The following ADCYAP1R1 variants were observed in gnomAD, a reference collection of about 807,000 sequenced individuals.
The protein encoded by ADCYAP1R1 is pituitary adenylate cyclase-activating polypeptide type I receptor.
Under a neutral mutation model 67.6 loss-of-function variants are expected in ADCYAP1R1, and 44 were observed. The ratio of observed to expected loss-of-function variants is 0.65; its 90% CI spans 0.51 to 0.84. ADCYAP1R1 has a LOEUF of 0.84. ADCYAP1R1 is among the 40% of genes least tolerant of loss of function. ADCYAP1R1 has a pLI of 0.00. For missense variants in ADCYAP1R1, 477 were observed against 587.9 expected, an observed-to-expected ratio of 0.81 and a Z score of 1.95; for synonymous variants, 222 against 219.6, an observed-to-expected ratio of 1.01 and a Z score of -0.10.
In ADCYAP1R1 at chr7:31,063,638, C is replaced by G. The variant is rs528215855; in HGVS notation, c.51+323C>G. On this transcript the variant is annotated intron_variant, in intron 2 of 15. Coordinates refer to ENST00000304166, the MANE Select transcript of ADCYAP1R1 (RefSeq NM_001118.5). ...CAGAAGCCTCTTTCAATTTTCTCGT[C>G]ACCAGCCCACAATGCCCTGCCAGGA... is the stretch of plus-strand genomic sequence containing the variant. 3.3e-5 allele frequency among the ~76,000 whole-genome samples: 5 copies of G among 152,354 alleles called. 1 individual carries two copies. The South Asian group carries it at 1.0e-3, about 32-fold the overall frequency.
At chr7:31,066,300 C>T (rs1008703334) in intron 3 of ADCYAP1R1, among the ~76,000 whole-genome samples, 14 of 152,082 alleles carry the variant, frequency 9.2e-5, no homozygotes, top group African/African-American at 1.9e-4. Context: ...TGGGGTTGAG[C>T]GACAAAATCA....
chr7:31,074,110 C>G (rs999054810), intron 3 of ADCYAP1R1, among the ~76,000 whole-genome samples: 11 of 152,168 alleles, frequency 7.2e-5, no homozygotes, highest in Non-Finnish European at 1.6e-4. Flanking sequence ...GATTTGAGCT[C>G]TGGTCACTCA....
In ADCYAP1R1 at chr7:31,109,872, C is replaced by T. The variant is rs576291684; in HGVS notation, c.*3188C>T. On this transcript the variant is annotated 3_prime_UTR_variant, in exon 16 of 16. Coordinates refer to ENST00000304166, the MANE Select transcript of ADCYAP1R1 (RefSeq NM_001118.5). ...CCTAGCACTGCAGACTTCATGACTC[C>T]CCACTTAAGTCCAAGTCACATTGTC... 6.6e-6 allele frequency: 1 copy of T among 152,254 alleles called. No homozygotes were observed. Among genetic ancestry groups the T allele is most frequent in the East Asian group, 1.9e-4 (1 of 5,142 alleles). The allele number at this position is 152,254 out of a possible 1,614,324, so 9.4% of individuals were successfully genotyped here. A position where few individuals can be genotyped will look rare whatever the true frequency, so the allele number is the denominator to read the frequency against.
intron 5 of ADCYAP1R1, 91 bp downstream of exon 5, chr7:31,080,724 G>C (rs933776058): frequency 9.2e-5 from 128 of 1,389,132 alleles, no homozygotes; most frequent in Non-Finnish European, 1.3e-4. Context: ...CGGCTGCTGG[G>C]ATTGGGGTGG....
At chr7:31,093,500 A>C (rs1307892363) in intron 13 of ADCYAP1R1, among the ~76,000 whole-genome samples, 1 of 150,994 alleles carries the variant, frequency 6.6e-6, no homozygotes, top group Non-Finnish European at 1.5e-5. Context: ...AGCAGCTTCC[A>C]CCTCCCATCT....
At chr7:31,104,766 C>A in intron 14 of ADCYAP1R1, 102 bp from the exon 15 acceptor site, 2 of 1,323,120 alleles carry the variant, frequency 1.5e-6, no homozygotes, top group Non-Finnish European at 2.2e-6. Context: ...CCATCCAGGT[C>A]ATGGTGTATT....
In ADCYAP1R1 at chr7:31,085,877, C is replaced by G. The variant is rs6976615; in HGVS notation, c.669+435C>G. Among the ~76,000 whole-genome samples, 942 of 152,270 alleles carry G rather than the reference C, an allele frequency of 6.2e-3. 13 individuals carry two copies. Among genetic ancestry groups the G allele is most frequent in the African/African-American group, 0.021 (859 of 41,556 alleles). On this transcript the variant is annotated intron_variant, in intron 9 of 15. Transcript: ENST00000304166. ...GGTCTCACACTTCTGGAGGAGGTAG[C>G]ATGTGGAGAAGCTGGTCTTTGAGGA...
intron 1 of ADCYAP1R1, among the ~76,000 whole-genome samples, chr7:31,053,568 C>A (rs1283425800): frequency 6.6e-6 from 1 of 152,226 alleles, no homozygotes; most frequent in Non-Finnish European, 1.5e-5. Context: ...TCACGTGGAG[C>A]TGAGGAGGGG....
chr7:31,079,768 G>A (rs1795436219), intron 4 of ADCYAP1R1, among the ~76,000 whole-genome samples: 1 of 152,186 alleles, frequency 6.6e-6, no homozygotes, highest in Non-Finnish European at 1.5e-5. Context: ...CCACCGGCCG[G>A]CCCGGGAGGA....
At chr7:31,089,695 G>A (rs773458052) in intron 12 of ADCYAP1R1, among the ~76,000 whole-genome samples, 2 of 152,152 alleles carry the variant, frequency 1.3e-5, no homozygotes, top group Admixed American at 6.5e-5. Context: ...CAATGAGCAA[G>A]GTACAAGAGC....
intron 13 of ADCYAP1R1, among the ~76,000 whole-genome samples, chr7:31,101,806 G>C (rs1295750914): frequency 1.3e-5 from 2 of 152,216 alleles, no homozygotes; most frequent in Non-Finnish European, 2.9e-5. Context: ...GTCAGAGATA[G>C]ACAGATAAGA....
intron 5 of ADCYAP1R1, among the ~76,000 whole-genome samples, chr7:31,081,227 G>A (rs1009408157): frequency 2.0e-5 from 3 of 152,148 alleles, no homozygotes; most frequent in Admixed American, 2.0e-4. Context: ...ATAAAGGGTA[G>A]GGAGAGAAGA....
intron 1 of ADCYAP1R1, among the ~76,000 whole-genome samples, chr7:31,056,486 T>G (rs972390119): frequency 1.3e-5 from 2 of 152,044 alleles, no homozygotes; most frequent in African/African-American, 4.8e-5. Flanking sequence ...TTCTGTTTCT[T>G]CCTTTCTCTA....
intron 1 of ADCYAP1R1, among the ~76,000 whole-genome samples, chr7:31,058,592 AT>A (rs1363728327): frequency 6.6e-6 from 1 of 152,078 alleles, no homozygotes; most frequent in African/African-American, 2.4e-5. Flanking sequence ...CAGTTTCCCT[AT>A]CTGCACCTTG....
At chr7:31,082,077 C>T (rs533747399) in intron 6 of ADCYAP1R1, among the ~76,000 whole-genome samples, 3 of 152,302 alleles carry the variant, frequency 2.0e-5, no homozygotes, top group South Asian at 4.1e-4. Flanking sequence ...AAACTTTAAC[C>T]GTGCATCACA....
chr7:31,083,250 C>G (rs1158221477), intron 6 of ADCYAP1R1, among the ~76,000 whole-genome samples: 1 of 152,238 alleles, frequency 6.6e-6, no homozygotes, highest in East Asian at 1.9e-4. Flanking sequence ...TTGCTCACCC[C>G]CCTGCCCTGG....
chr7:31,061,588 G>A (rs979590935), intron 1 of ADCYAP1R1, among the ~76,000 whole-genome samples: 1 of 152,202 alleles, frequency 6.6e-6, no homozygotes, highest in Non-Finnish European at 1.5e-5. Context: ...TGGCTCCCAG[G>A]CTTCTCGGAG....
intron 3 of ADCYAP1R1, among the ~76,000 whole-genome samples, chr7:31,075,025 C>T (rs1413986366): frequency 1.3e-5 from 2 of 152,316 alleles, no homozygotes; most frequent in East Asian, 3.9e-4. Context: ...CCAAATAGCA[C>T]TCAAGCGTCA....
intron 6 of ADCYAP1R1, 93 bp downstream of exon 6, chr7:31,081,847 C>T: frequency 2.0e-6 from 2 of 996,448 alleles, no homozygotes; most frequent in Non-Finnish European, 1.5e-6. Flanking sequence ...AGGCTGGGCT[C>T]TGCTCCTCTG....
Sources: allele counts gnomAD v4.1 joint callset (sites outside exome capture counted in the v4.1 genomes callset), GRCh38; gene constraint gnomAD v4.1.1; transcripts MANE v1.5; gene names NCBI Gene and HGNC (gene_info 2026-07-23, HGNC 2026-07-21).